Variants in DENND5B observed in about 807,000 individuals in gnomAD.
DENND5B encodes the protein DENN domain containing 5B, also known as DENN domain-containing protein 5B.
DENND5B carries 34 observed loss-of-function variants against 140.6 expected under a neutral mutation model. The ratio of observed to expected loss-of-function variants is 0.24; its 90% confidence interval spans 0.18 to 0.32. DENND5B has a LOEUF of 0.32. DENND5B is among the 10% of genes least tolerant of loss of function. The pLI is 1.00. For synonymous variants in DENND5B, 551 were observed against 562.1 expected, an observed-to-expected ratio of 0.98 and a Z score of 0.28; for missense variants, 1,142 against 1,560.2, an observed-to-expected ratio of 0.73 and a Z score of 4.52.
intron 1 of DENND5B, among the ~76,000 whole-genome samples, chr12:31,576,732 T>C (rs1378070144): frequency 6.9e-6 from 1 of 145,194 alleles, no homozygotes; most frequent in African/African-American, 2.5e-5. Context: ...AAAAAAAATG[T>C]TTTTTTTAAT....
At chr12:31,451,416 C>A (rs1049667018) in intron 5 of DENND5B, among the ~76,000 whole-genome samples, 3 of 152,044 alleles carry the variant, frequency 2.0e-5, no homozygotes, top group African/African-American at 7.2e-5. Context: ...CTCTGCCTCC[C>A]GGGTTCAAGC....
At chr12:31,408,624 CAAAAA>C (rs33965275) in intron 14 of DENND5B, among the ~76,000 whole-genome samples, 9 of 71,956 alleles carry the variant, frequency 1.3e-4, no homozygotes, top group African/African-American at 4.9e-4. Flanking sequence ...GAGACTCTAT[CAAAAA>C]AAAAAAAAAA....
rs1287682354 is a variant in DENND5B, at chr12:31,494,180, CT to C, written c.237+1629del. Among the ~76,000 whole-genome samples, 159 of 56,838 alleles carry C rather than the reference CT, an allele frequency of 2.8e-3. 3 individuals carry two copies. Among genetic ancestry groups the C allele is most frequent in the East Asian group, 7.2e-3 (9 of 1,250 alleles). 37.3% of individuals were successfully genotyped at this position (56,838 alleles called of 152,430 possible). On this transcript the variant is annotated intron_variant, in intron 2 of 20. Transcript: ENST00000389082. ...TCTATCTATCTATCTATCTATCTAT[CT>C]ATCCATCCATCCATCCATCCACCTA...
At chr12:31,509,099 C>T (rs1947312646) in intron 1 of DENND5B, among the ~76,000 whole-genome samples, 1 of 152,128 alleles carries the variant, frequency 6.6e-6, no homozygotes, top group South Asian at 2.1e-4. Context: ...CTCCCTCCAT[C>T]AGAAAAACAT....
intron 1 of DENND5B, among the ~76,000 whole-genome samples, chr12:31,511,656 T>C (rs1947422425): frequency 6.6e-6 from 1 of 152,022 alleles, no homozygotes; most frequent in Non-Finnish European, 1.5e-5. Context: ...AATTATATCT[T>C]CCCCTTTATA....
At chr12:31,411,775 C>G (rs1196995083) in intron 13 of DENND5B, among the ~76,000 whole-genome samples, 1 of 152,116 alleles carries the variant, frequency 6.6e-6, no homozygotes, top group Non-Finnish European at 1.5e-5. Flanking sequence ...TGAAAATGCT[C>G]CAGGGGGTAT....
At chr12:31,495,778 A>C in intron 2 of DENND5B, 32 bp downstream of exon 2, 1 of 1,468,830 alleles carries the variant, frequency 6.8e-7, no homozygotes, top group Non-Finnish European at 9.3e-7. Flanking sequence ...AAACAAGGCT[A>C]AAGAGTAAAT....
At chr12:31,514,145 C>G (rs1392746217) in intron 1 of DENND5B, among the ~76,000 whole-genome samples, 1 of 152,128 alleles carries the variant, frequency 6.6e-6, no homozygotes, top group African/African-American at 2.4e-5. Flanking sequence ...TACACAAAGC[C>G]AGGATAACTT....
intron 4 of DENND5B, among the ~76,000 whole-genome samples, chr12:31,454,812 C>CTTTTTT (rs201720111): frequency 6.8e-4 from 64 of 93,900 alleles, no homozygotes; most frequent in Non-Finnish European, 9.4e-4. Flanking sequence ...GATTCAGTAT[C>CTTTTTT]TTTTTTTTTT....
chr12:31,582,317 A>G (rs989647182), intron 1 of DENND5B, among the ~76,000 whole-genome samples: 1 of 152,222 alleles, frequency 6.6e-6, no homozygotes, highest in African/African-American at 2.4e-5. Flanking sequence ...TGCGGCTGTC[A>G]TAAGTGACAG....
rs534277242 is a variant in DENND5B at position 31,411,581 on chromosome 12, G to T, written c.2681+1855C>A. Among the ~76,000 whole-genome samples the T allele has an allele frequency of 3.4e-4, 51 of 152,028 alleles. 1 individual carries two copies. The South Asian group carries it at 7.1e-3, about 21-fold the overall frequency. ...GATGGTCTCGATCTCCTGACCTCAT[G>T]ATCTGCCTGCCTCGGCCTCCCAAAG... On this transcript the variant is annotated intron_variant, in intron 13 of 20. Transcript: ENST00000389082.
chr12:31,426,241 A>C, intron 9 of DENND5B, 52 bp downstream of exon 9: 1 of 1,548,462 alleles, frequency 6.5e-7, no homozygotes, highest in South Asian at 1.2e-5. Context: ...TTAGCCTCAC[A>C]CATGGTGTAA....
Position 31,383,424 on chromosome 12 carries a change from T to C in DENND5B, c.*4179A>G, listed in dbSNP as rs1203739269. 6.6e-6 allele frequency: 1 copy of C among 152,210 alleles called. No individual in the cohort carries two copies. The highest frequency in any genetic ancestry group is 1.5e-5 in the Non-Finnish European group (1 of 68,040). The allele number at this position is 152,210 out of a possible 1,614,324, so 9.4% of individuals were successfully genotyped here. A position where few individuals can be genotyped will look rare whatever the true frequency, so the allele number is the denominator to read the frequency against. ...TGCTTTATTGCCAAAAAAGGAAATA[T>C]GAGCAGTTCAGTATTTCCCCCATAT... On this transcript the variant is annotated 3_prime_UTR_variant, in exon 21 of 21. Transcript: ENST00000389082.
chr12:31,409,533 C>A (rs1311983975), intron 13 of DENND5B, 149 bp from the exon 14 acceptor site: 15 of 910,516 alleles, frequency 1.6e-5, no homozygotes, highest in Non-Finnish European at 2.0e-5. Context: ...GGCTGGAGTG[C>A]AATGGTGCAA....
intron 4 of DENND5B, among the ~76,000 whole-genome samples, chr12:31,458,322 T>A (rs1944874602): frequency 6.6e-6 from 1 of 152,206 alleles, no homozygotes; most frequent in African/African-American, 2.4e-5. Flanking sequence ...ATTACATGGA[T>A]TAACATACAA....
At chr12:31,413,324 G>A (rs1942564176) in intron 13 of DENND5B, 112 bp downstream of exon 13, 2 of 1,276,662 alleles carry the variant, frequency 1.6e-6, no homozygotes, top group Admixed American at 2.5e-5. Context: ...AAGAATGCAT[G>A]TGCACAGGAT....
At chr12:31,542,503 G>A (rs955795330) in intron 1 of DENND5B, among the ~76,000 whole-genome samples, 1 of 152,072 alleles carries the variant, frequency 6.6e-6, no homozygotes, top group African/African-American at 2.4e-5. Flanking sequence ...AAATAATTAA[G>A]AGTATAACTG....
At chr12:31,569,331 G>T (rs1472948733) in intron 1 of DENND5B, among the ~76,000 whole-genome samples, 1 of 152,068 alleles carries the variant, frequency 6.6e-6, no homozygotes, top group Non-Finnish European at 1.5e-5. Flanking sequence ...CCAAAGTTCT[G>T]GGATTACAGG....
At chr12:31,399,624 A>G in intron 16 of DENND5B, 30 bp downstream of exon 16, 4 of 1,568,286 alleles carry the variant, frequency 2.6e-6, no homozygotes, top group Non-Finnish European at 3.5e-6. Flanking sequence ...TAAAACAAAG[A>G]ATTCTGAGTT....
Sources: allele counts gnomAD v4.1 joint callset (sites outside exome capture counted in the v4.1 genomes callset), GRCh38; gene constraint gnomAD v4.1.1; transcripts MANE v1.5; gene names NCBI Gene and HGNC (gene_info 2026-07-23, HGNC 2026-07-21).